AGAP1: variants seen among roughly 807,000 people sequenced by gnomAD.
AGAP1 encodes arf-GAP with GTPase, ANK repeat and PH domain-containing protein 1.
A neutral mutation model predicts 105.3 loss-of-function variants in AGAP1; 29 were observed. That is an observed-to-expected ratio of 0.28 (90% CI 0.21 to 0.38). The LOEUF (loss-of-function observed/expected upper bound fraction) is 0.38. Ranked by LOEUF, AGAP1 falls within the 10% of genes least tolerant of loss-of-function variation. The pLI, the probability that AGAP1 is intolerant of heterozygous loss-of-function variation, is 1.00. For synonymous variants in AGAP1, 509 were observed against 485.9 expected (o/e 1.05, Z -0.63); for missense variants, 998 against 1,165.1 (o/e 0.86, Z 2.09).
chr2:235,822,161 C>G (rs1376823806), intron 9 of AGAP1, among the ~76,000 whole-genome samples: 1 of 152,148 alleles, frequency 6.6e-6, no homozygotes, highest in African/African-American at 2.4e-5. Context: ...TGAGGCTGTG[C>G]TGATCATTTT....
intron 3 of AGAP1, 61 bp downstream of exon 3, chr2:235,717,705 G>A: frequency 7.1e-7 from 1 of 1,415,368 alleles, no homozygotes; most frequent in Non-Finnish European, 9.7e-7. Context: ...TTTTTCCTTA[G>A]CATATTATAA....
At chr2:236,007,138 T>C (rs1348044785) in intron 13 of AGAP1, among the ~76,000 whole-genome samples, 1 of 152,242 alleles carries the variant, frequency 6.6e-6, no homozygotes, top group African/African-American at 2.4e-5. Context: ...CTTCTTTTGC[T>C]TTTCCACTCT....
At chr2:235,727,448 G>A (rs1192786638) in intron 3 of AGAP1, among the ~76,000 whole-genome samples, 2 of 152,148 alleles carry the variant, frequency 1.3e-5, no homozygotes, top group African/African-American at 4.8e-5. Context: ...AGCACCTGGG[G>A]TATGTTTGAA....
intron 6 of AGAP1, among the ~76,000 whole-genome samples, chr2:235,767,775 G>GGCTTT (rs1955087665): frequency 5.7e-5 from 6 of 106,138 alleles, no homozygotes; most frequent in African/African-American, 1.7e-4. Context: ...CCAGTTTCTT[G>GGCTTT]TCTTTTTTTT....
intron 6 of AGAP1, among the ~76,000 whole-genome samples, chr2:235,783,972 G>A (rs950786551): frequency 4.5e-5 from 4 of 89,502 alleles, no homozygotes; most frequent in African/African-American, 1.3e-4. Flanking sequence ...ATGGACGGAC[G>A]GACGGACGGA....
Position 235,963,390 on chromosome 2 carries a change from AG to A in AGAP1, c.1484-5069del, listed in dbSNP as rs1406056290. Among the ~76,000 whole-genome samples, 1 of 152,216 alleles carries A rather than the reference AG, an allele frequency of 6.6e-6. No individual in the cohort carries two copies. The highest frequency in any genetic ancestry group is 1.5e-5 in the Non-Finnish European group (1 of 68,038). On this transcript the variant is annotated intron_variant, in intron 12 of 17. Coordinates refer to ENST00000304032, the MANE Select transcript of AGAP1 (RefSeq NM_001037131.3). This position sits in a 1 kb window ranked among gnomAD's most constrained non-coding sequence, Gnocchi z 5.1. The stretch of plus-strand genomic sequence containing the variant: ...GTGGGATTCTGAATTCAGTTGTTAA[AG>A]GGCTGCTTTGTGTGCACATAGAAAA...
In AGAP1 at chr2:235,662,427, A is replaced by G. The variant is rs146632547; in HGVS notation, c.164-46752A>G. 6.6e-6 allele frequency among the ~76,000 whole-genome samples: 1 copy of G among 152,170 alleles called. No homozygotes were observed. Among genetic ancestry groups the G allele is most frequent in the African/African-American group, 2.4e-5 (1 of 41,516 alleles). On this transcript the variant is annotated intron_variant, in intron 1 of 17. Coordinates refer to ENST00000304032, the MANE Select transcript of AGAP1 (RefSeq NM_001037131.3). This position sits in a 1 kb window ranked among gnomAD's most constrained non-coding sequence, Gnocchi z 4.2. Reference sequence around the variant, plus strand: ...TGCGTCCATGGAGGGGAGGACTCACAGCAGTTTTGAAGTAATGTAGATTGT... The same window carrying G: ...TGCGTCCATGGAGGGGAGGACTCACGGCAGTTTTGAAGTAATGTAGATTGT...
intron 11 of AGAP1, among the ~76,000 whole-genome samples, chr2:235,917,200 C>T (rs529696467): frequency 1.3e-5 from 2 of 152,048 alleles, no homozygotes; most frequent in East Asian, 1.9e-4. Flanking sequence ...CCAGCGGTTT[C>T]GAAATATTAA....
chr2:236,075,465 C>CT lies in AGAP1; in HGVS notation c.2114+26186dup, dbSNP rs1177656776. Among the ~76,000 whole-genome samples, 3 of 152,260 alleles carry CT rather than the reference C, an allele frequency of 2.0e-5. 1 individual carries two copies. In the South Asian group the frequency reaches 6.2e-4, roughly 32 times the overall value. Reference sequence around the variant, plus strand: ...CGCAAAGGGTCCCCGCTGCTGCCCCCTTGGACATCGTAATAGTGAACTGTG... The same window carrying CT: ...CGCAAAGGGTCCCCGCTGCTGCCCCCTTTGGACATCGTAATAGTGAACTGTG... On this transcript the variant is annotated intron_variant, in intron 16 of 17. Transcript: ENST00000304032.
At chr2:235,885,706 T>C (rs2050243018) in intron 10 of AGAP1, among the ~76,000 whole-genome samples, 2 of 152,228 alleles carry the variant, frequency 1.3e-5, no homozygotes, top group South Asian at 4.1e-4. Context: ...GAGTTGCCCT[T>C]GTCTCCTTGT....
intron 1 of AGAP1, among the ~76,000 whole-genome samples, chr2:235,540,117 G>A (rs1022571315): frequency 9.6e-5 from 14 of 146,394 alleles, no homozygotes; most frequent in Non-Finnish European, 1.5e-4. Flanking sequence ...CTCTCAATCC[G>A]TTTGTTTTTT....
At chr2:236,031,125 G>T (rs1293440634) in intron 13 of AGAP1, among the ~76,000 whole-genome samples, 1 of 152,170 alleles carries the variant, frequency 6.6e-6, no homozygotes, top group Non-Finnish European at 1.5e-5. Flanking sequence ...ATCCAAAACT[G>T]ATTAGATATA....
chr2:235,645,549 A>G (rs1253607612), intron 1 of AGAP1, among the ~76,000 whole-genome samples: 1 of 152,184 alleles, frequency 6.6e-6, no homozygotes, highest in African/African-American at 2.4e-5. Flanking sequence ...GGGCTCAGCC[A>G]TCCAGGGCCA....
At position 235,848,820 on chromosome 2, in the gene AGAP1, T is replaced by C. The variant is rs1300026285; in HGVS notation, c.1051-34525T>C. Among the ~76,000 whole-genome samples, 5 of 152,314 alleles carry C rather than the reference T, an allele frequency of 3.3e-5. No individual in the cohort carries two copies. The South Asian group carries it at 8.3e-4, about 25-fold the overall frequency. The stretch of plus-strand genomic sequence containing the variant: ...TAAGTATTTGAGGAGTTTCTCTCAT[T>C]TGGGCTCTGAATGCTTTTCTGATAG... On this transcript the variant is annotated intron_variant, in intron 9 of 17. Transcript: ENST00000304032.
intron 9 of AGAP1, among the ~76,000 whole-genome samples, chr2:235,810,156 A>C (rs1958056691): frequency 6.6e-6 from 1 of 152,160 alleles, no homozygotes; most frequent in Non-Finnish European, 1.5e-5. Context: ...ATATCTTACG[A>C]CTGTATAAAG....
intron 9 of AGAP1, among the ~76,000 whole-genome samples, chr2:235,847,238 G>A (rs1961604726): frequency 6.6e-6 from 1 of 152,196 alleles, no homozygotes; most frequent in East Asian, 1.9e-4. Context: ...GTTTGGTTCA[G>A]AAAAAATACT....
At chr2:235,547,712 C>T (rs555781329) in intron 1 of AGAP1, among the ~76,000 whole-genome samples, 32 of 152,312 alleles carry the variant, frequency 2.1e-4, no homozygotes, top group Non-Finnish European at 3.4e-4. Context: ...AGGCTGGTCT[C>T]GAACTCCTGA....
chr2:235,657,767 C>T (rs1364760217), intron 1 of AGAP1, among the ~76,000 whole-genome samples: 1 of 152,168 alleles, frequency 6.6e-6, no homozygotes, highest in Non-Finnish European at 1.5e-5. Context: ...TAAGTCCTAA[C>T]CCCCAGTGCC....
rs1217025498 is a variant in AGAP1 at position 235,716,979 on chromosome 2, G to A, written c.223-578G>A. 1.3e-5 allele frequency among the ~76,000 whole-genome samples: 2 copies of A among 152,058 alleles called. No homozygotes were observed. Among genetic ancestry groups the A allele is most frequent in the Admixed American group, 6.6e-5 (1 of 15,260 alleles). On this transcript the variant is annotated intron_variant, in intron 2 of 17. Transcript: ENST00000304032. This position sits in a 1 kb window ranked among gnomAD's most constrained non-coding sequence, Gnocchi z 4.0. ...TCCCCTTTTTCTCGGAGATGCCTTG[G>A]TGGGTCCTGTGTCTGGGAGGCAGGT...
Sources: gnomAD v4.1 joint callset for allele counts (sites outside exome capture counted in the v4.1 genomes callset) on GRCh38, gnomAD v4.1.1 for gene constraint, Gnocchi (gnomAD v3.1) non-coding constraint, MANE v1.5 for transcripts, NCBI Gene and HGNC (gene_info 2026-07-23, HGNC 2026-07-21) for gene names.